CSTPP1: variants seen among roughly 807,000 people sequenced by gnomAD.
The protein encoded by CSTPP1 is UPF0705 protein C11orf49.
the CSTPP1 span, among the ~76,000 whole-genome samples, chr11:46,947,464 G>A: frequency 2.2e-4 from 34 of 152,192 alleles, no homozygotes; most frequent in African/African-American, 8.2e-4. Flanking sequence ...GATCCCACTA[G>A]CTATGTTTTT....
At chr11:46,988,089 G>C in the CSTPP1 span, among the ~76,000 whole-genome samples, 2 of 152,146 alleles carry the variant, frequency 1.3e-5, no homozygotes, top group Non-Finnish European at 2.9e-5. Flanking sequence ...TGTGGAGAAA[G>C]GGAACCCTTC....
At chr11:46,978,242 C>T in the CSTPP1 span, among the ~76,000 whole-genome samples, 1 of 152,086 alleles carries the variant, frequency 6.6e-6, no homozygotes, top group African/African-American at 2.4e-5. Flanking sequence ...AACTGTGTAT[C>T]AAGGTAGAAA....
At chr11:46,965,616 T>A in the CSTPP1 span, among the ~76,000 whole-genome samples, 1 of 152,224 alleles carries the variant, frequency 6.6e-6, no homozygotes, top group Non-Finnish European at 1.5e-5. Context: ...ATCTTTTTAA[T>A]CTCTAGCTTA....
At chr11:47,051,408 C>A in the CSTPP1 span, among the ~76,000 whole-genome samples, 3 of 152,126 alleles carry the variant, frequency 2.0e-5, no homozygotes, top group Non-Finnish European at 2.9e-5. Context: ...TATTTTTTTC[C>A]CTTCCCTGGC....
chr11:47,155,170 C>T, the CSTPP1 span: 4 of 1,611,554 alleles, frequency 2.5e-6, no homozygotes, highest in Non-Finnish European at 3.4e-6. Flanking sequence ...TCTCTTTCCC[C>T]TTCAGGATTG....
chr11:47,113,915 C>T, the CSTPP1 span, among the ~76,000 whole-genome samples: 2 of 152,178 alleles, frequency 1.3e-5, no homozygotes, highest in African/African-American at 4.8e-5. Context: ...GTCATGAAGT[C>T]CTTGCCCATG....
chr11:47,009,569 G>A, the CSTPP1 span, among the ~76,000 whole-genome samples: 1 of 152,190 alleles, frequency 6.6e-6, no homozygotes, highest in African/African-American at 2.4e-5. Flanking sequence ...GGCCAAGGCG[G>A]GAGCATCAGC....
chr11:47,159,668 G>A, the CSTPP1 span: 1 of 456,238 alleles, frequency 2.2e-6, no homozygotes, highest in Non-Finnish European at 4.4e-6. Context: ...TAGCAACTGG[G>A]TCACAGCCTG....
chr11:47,123,588 T>C, the CSTPP1 span, among the ~76,000 whole-genome samples: 1 of 152,186 alleles, frequency 6.6e-6, no homozygotes, highest in South Asian at 2.1e-4. Flanking sequence ...CCTTGCTCTC[T>C]TGGAGCTTCT....
the CSTPP1 span, among the ~76,000 whole-genome samples, chr11:47,139,364 C>T: frequency 3.1e-4 from 47 of 152,208 alleles, no homozygotes; most frequent in South Asian, 7.5e-3. Flanking sequence ...AAGAGGGTTG[C>T]GGTTGGAGAC....
the CSTPP1 span, among the ~76,000 whole-genome samples, chr11:46,958,893 G>T: frequency 6.6e-6 from 1 of 152,136 alleles, no homozygotes; most frequent in Non-Finnish European, 1.5e-5. Context: ...TTCTGCGTGG[G>T]CCCTCATTGG....
chr11:46,987,107 A>G, the CSTPP1 span: 1 of 1,093,842 alleles, frequency 9.1e-7, no homozygotes, highest in Non-Finnish European at 1.4e-6. Context: ...GACAGAGCCA[A>G]CACCTGGATT....
At chr11:47,051,490 C>A in the CSTPP1 span, among the ~76,000 whole-genome samples, 13 of 152,070 alleles carry the variant, frequency 8.5e-5, no homozygotes, top group African/African-American at 2.9e-4. Flanking sequence ...CACTTTATAC[C>A]CTTGTTTCTA....
the CSTPP1 span, among the ~76,000 whole-genome samples, chr11:47,095,425 G>C: frequency 6.6e-6 from 1 of 152,146 alleles, no homozygotes; most frequent in Admixed American, 6.5e-5. Context: ...TGAGGGACTT[G>C]AAACACCCTT....
chr11:47,077,397 A>G, the CSTPP1 span, among the ~76,000 whole-genome samples: 2 of 151,880 alleles, frequency 1.3e-5, no homozygotes, highest in Non-Finnish European at 2.9e-5. Flanking sequence ...GACGGGTTTC[A>G]CCTTGTTGGT....
the CSTPP1 span, among the ~76,000 whole-genome samples, chr11:47,147,844 C>T: frequency 6.6e-6 from 1 of 152,174 alleles, no homozygotes; most frequent in Non-Finnish European, 1.5e-5. Flanking sequence ...AGGATTAATA[C>T]GAGCAGAAAA....
At chr11:47,015,268 A>G in the CSTPP1 span, among the ~76,000 whole-genome samples, 1 of 151,996 alleles carries the variant, frequency 6.6e-6, no homozygotes, top group Non-Finnish European at 1.5e-5. Context: ...GGAGACTGAG[A>G]CCATCCTGGC....
chr11:47,051,764 T>C, the CSTPP1 span, among the ~76,000 whole-genome samples: 1 of 150,308 alleles, frequency 6.7e-6, no homozygotes, highest in Non-Finnish European at 1.5e-5. Flanking sequence ...TGATCTCGGC[T>C]CACTGCAACC....
chr11:46,944,942 A>G, the CSTPP1 span, among the ~76,000 whole-genome samples: 68 of 152,324 alleles, frequency 4.5e-4, 3 homozygotes, highest in South Asian at 0.013. Flanking sequence ...CATGAGGTTA[A>G]TACAACTTCT....
Sources: gnomAD v4.1 joint callset for allele counts (sites outside exome capture counted in the v4.1 genomes callset) on GRCh38, gnomAD v4.1.1 for gene constraint, MANE v1.5 for transcripts, NCBI Gene and HGNC (gene_info 2026-07-23, HGNC 2026-07-21) for gene names.